RBFOX1: variants seen among roughly 807,000 people sequenced by gnomAD.
The protein encoded by RBFOX1 is RNA binding protein fox-1 homolog 1.
In RBFOX1, 8 loss-of-function variants were observed where a neutral mutation model predicts 57.7. The observed-to-expected ratio is 0.14, with a 90% CI of 0.08 to 0.25. The LOEUF (loss-of-function observed/expected upper bound fraction) is 0.25, where lower values mean the gene tolerates loss of function less well. Ranked by LOEUF, RBFOX1 falls within the 10% of genes least tolerant of loss-of-function variation. RBFOX1 has a pLI of 1.00. For synonymous variants in RBFOX1, 326 were observed against 222.4 expected, an observed-to-expected ratio of 1.47 and a Z score of -4.15; for missense variants, 611 against 548.5, an observed-to-expected ratio of 1.11 and a Z score of -1.14.
intron 3 of RBFOX1, among the ~76,000 whole-genome samples, chr16:5,667,757 G>A (rs1382446750): frequency 1.3e-5 from 2 of 152,202 alleles, no homozygotes; most frequent in Non-Finnish European, 1.5e-5. Flanking sequence ...CTAGCACCAA[G>A]CCAGGAATTT....
intron 4 of RBFOX1, among the ~76,000 whole-genome samples, chr16:7,200,633 A>G (rs2088120629): frequency 2.0e-5 from 3 of 152,206 alleles, no homozygotes; most frequent in Admixed American, 1.3e-4. Flanking sequence ...CTTCTTTTAA[A>G]GGAATAGAGT....
At chr16:5,976,768 C>CAT (rs2060071945) in intron 4 of RBFOX1, among the ~76,000 whole-genome samples, 1 of 152,102 alleles carries the variant, frequency 6.6e-6, no homozygotes, top group African/African-American at 2.4e-5. Flanking sequence ...ACTTGGGGGG[C>CAT]TTAGCCAGGA....
intron 4 of RBFOX1, among the ~76,000 whole-genome samples, chr16:7,361,517 G>A (rs13334398): frequency 0.21 from 32,160 of 152,084 alleles, 3,707 homozygotes; most frequent in African/African-American, 0.3. Flanking sequence ...AGTAAATCCA[G>A]GTTAGACCAG....
chr16:6,346,049 C>T (rs1033581632), intron 2 of RBFOX1, among the ~76,000 whole-genome samples: 1 of 152,086 alleles, frequency 6.6e-6, no homozygotes, highest in East Asian at 1.9e-4. Context: ...AGGAGGCAAT[C>T]AGGTATGCAT....
chr16:5,732,496 A>T (rs980451136), intron 3 of RBFOX1, among the ~76,000 whole-genome samples: 8 of 152,218 alleles, frequency 5.3e-5, no homozygotes, highest in Non-Finnish European at 1.2e-4. Context: ...CAAAATGTGC[A>T]GAAATGAGAG....
chr16:7,184,427 C>G (rs113739146), intron 4 of RBFOX1, among the ~76,000 whole-genome samples: 3,405 of 152,300 alleles, frequency 0.022, 66 homozygotes, highest in Middle Eastern at 0.034. Context: ...AGCATATCCA[C>G]AAACACCTCA....
At chr16:6,998,400 G>C (rs996752576) in intron 3 of RBFOX1, among the ~76,000 whole-genome samples, 3 of 152,054 alleles carry the variant, frequency 2.0e-5, no homozygotes. Context: ...TAATCTGAAG[G>C]GGGCAAAATG....
intron 3 of RBFOX1, among the ~76,000 whole-genome samples, chr16:5,809,015 G>A (rs573416131): frequency 7.9e-5 from 12 of 152,138 alleles, no homozygotes; most frequent in African/African-American, 2.4e-4. Context: ...AAACCCTAAC[G>A]CTGCGTATCT....
intron 4 of RBFOX1, among the ~76,000 whole-genome samples, chr16:7,324,841 C>T (rs780122661): frequency 5.3e-5 from 8 of 151,542 alleles, no homozygotes; most frequent in Non-Finnish European, 7.4e-5. Context: ...CTTTAAGTTA[C>T]TTCTGATTTA....
At chr16:6,945,005 T>G (rs1293564639) in intron 3 of RBFOX1, among the ~76,000 whole-genome samples, 1 of 152,102 alleles carries the variant, frequency 6.6e-6, no homozygotes, top group Non-Finnish European at 1.5e-5. Flanking sequence ...GTCGTGACTT[T>G]TAGCAGCTCT....
chr16:6,656,445 C>G (rs941517543), intron 3 of RBFOX1, among the ~76,000 whole-genome samples: 15 of 152,228 alleles, frequency 9.9e-5, no homozygotes, highest in Admixed American at 9.2e-4. Context: ...CCAAGCTCCA[C>G]TCCACCTATG....
chr16:5,888,560 C>G lies in RBFOX1; in HGVS notation c.351+21225C>G, dbSNP rs1024623803. ...CCTGTAATCCCAGCACTTTGGGAGACTGAGTTGGGCAGATAATCTGAGGTC... is the reference window on the plus strand; with the variant it reads ...CCTGTAATCCCAGCACTTTGGGAGAGTGAGTTGGGCAGATAATCTGAGGTC... On this transcript the variant is annotated intron_variant, in intron 4 of 19. Transcript: ENST00000641259. Among the ~76,000 whole-genome samples, 8 of 152,092 alleles carry G rather than the reference C, an allele frequency of 5.3e-5. No homozygotes were observed. In the East Asian group the frequency reaches 1.6e-3, roughly 30 times the overall value.
At chr16:7,174,512 G>A (rs1006761930) in intron 4 of RBFOX1, among the ~76,000 whole-genome samples, 2 of 152,214 alleles carry the variant, frequency 1.3e-5, no homozygotes, top group Non-Finnish European at 2.9e-5. Context: ...TGGGCGCAGT[G>A]GCTCACACCT....
chr16:6,030,082 C>T (rs969810880), intron 1 of RBFOX1, among the ~76,000 whole-genome samples: 1 of 152,034 alleles, frequency 6.6e-6, no homozygotes, highest in Admixed American at 6.6e-5. Context: ...GGCTAATTTT[C>T]GTGTTTTTAA....
At chr16:7,117,405 A>G (rs1212308829) in intron 4 of RBFOX1, among the ~76,000 whole-genome samples, 1 of 152,212 alleles carries the variant, frequency 6.6e-6, no homozygotes, top group Admixed American at 6.5e-5. Context: ...AACATGGGGC[A>G]TGATTATTAA....
At chr16:7,447,999 C>G (rs1332326715) in intron 4 of RBFOX1, among the ~76,000 whole-genome samples, 1 of 152,182 alleles carries the variant, frequency 6.6e-6, no homozygotes, top group South Asian at 2.1e-4. Context: ...GGGATTTCCA[C>G]TCTTTAGAAA....
At chr16:6,041,370 C>G (rs1475070177) in intron 1 of RBFOX1, among the ~76,000 whole-genome samples, 2 of 152,150 alleles carry the variant, frequency 1.3e-5, no homozygotes, top group African/African-American at 4.8e-5. Flanking sequence ...AAAGAATTTT[C>G]AGACATGTTT....
chr16:5,632,737 C>T (rs923549599), intron 3 of RBFOX1, among the ~76,000 whole-genome samples: 3 of 152,128 alleles, frequency 2.0e-5, no homozygotes, highest in Non-Finnish European at 4.4e-5. Flanking sequence ...ACTTACTGTC[C>T]CGCACATGCT....
At chr16:7,443,085 A>C (rs1235414021) in intron 4 of RBFOX1, among the ~76,000 whole-genome samples, 1 of 152,210 alleles carries the variant, frequency 6.6e-6, no homozygotes, top group African/African-American at 2.4e-5. Context: ...CTTCAGTTGC[A>C]CGAGAACACT....
Sources: allele counts gnomAD v4.1 joint callset (sites outside exome capture counted in the v4.1 genomes callset), GRCh38; gene constraint gnomAD v4.1.1; transcripts MANE v1.5; gene names NCBI Gene and HGNC (gene_info 2026-07-23, HGNC 2026-07-21).